Variants in KLHL3 observed in about 807,000 individuals in gnomAD.
KLHL3 encodes kelch like family member 3.
Under a neutral mutation model 70.5 loss-of-function variants are expected in KLHL3, and 19 were observed. The observed-to-expected ratio is 0.27, with a 90% CI of 0.19 to 0.40. KLHL3 has a LOEUF of 0.40. Among genes scored for constraint, KLHL3 ranks in the 10% least tolerant of loss-of-function variants. The probability of loss-of-function intolerance (pLI) is 1.00; values close to 1 mark genes in which losing one functional copy is unlikely to be tolerated. For missense variants in KLHL3, 512 were observed against 771.1 expected (o/e 0.66, Z 3.98); for synonymous variants, 258 against 290.3 (o/e 0.89, Z 1.13).
intron 6 of KLHL3, among the ~76,000 whole-genome samples, chr5:137,668,031 T>A (rs182516157): frequency 9.9e-4 from 151 of 152,254 alleles, no homozygotes; most frequent in Non-Finnish European, 1.6e-3. Flanking sequence ...GAAGAATAGA[T>A]CTGATGTGAA....
intron 11 of KLHL3, among the ~76,000 whole-genome samples, chr5:137,635,524 G>T (rs1367996569): frequency 1.3e-5 from 2 of 152,166 alleles, no homozygotes; most frequent in Non-Finnish European, 2.9e-5. Flanking sequence ...AAATTATTGT[G>T]ATTTCCTCCA....
At chr5:137,659,116 T>G (rs1751413125) in intron 7 of KLHL3, among the ~76,000 whole-genome samples, 1 of 152,234 alleles carries the variant, frequency 6.6e-6, no homozygotes, top group Non-Finnish European at 1.5e-5. Context: ...TAATGTGGTC[T>G]TCTGGGGCTG....
rs1395260944 is a variant in KLHL3, at chr5:137,618,047, A to G, written c.*4051T>C. On this transcript the variant is annotated 3_prime_UTR_variant, in exon 15 of 15. Coordinates refer to ENST00000309755, the MANE Select transcript of KLHL3 (RefSeq NM_017415.3). ...GCTGCACAGGGGCTATGAGGCTGTA[A>G]TTATCCACTACAGAAGAAATCTCTT... 1 of 152,630 alleles carries G rather than the reference A, an allele frequency of 6.6e-6. No homozygotes were observed. Among genetic ancestry groups the G allele is most frequent in the Non-Finnish European group, 1.5e-5 (1 of 68,056 alleles). 9.5% of individuals were successfully genotyped at this position (152,630 alleles called of 1,614,324 possible).
At chr5:137,734,032 C>T (rs536947849) in intron 1 of KLHL3, among the ~76,000 whole-genome samples, 2 of 152,308 alleles carry the variant, frequency 1.3e-5, no homozygotes, top group African/African-American at 4.8e-5. Flanking sequence ...TCAGCCATCC[C>T]AGCTGAGAGG....
At chr5:137,717,310 A>G (rs1034255205) in intron 2 of KLHL3, among the ~76,000 whole-genome samples, 2 of 152,242 alleles carry the variant, frequency 1.3e-5, no homozygotes, top group African/African-American at 4.8e-5. Context: ...TGTAAGTTCT[A>G]TACATTGAGC....
chr5:137,718,794 A>G (rs1430086825), intron 2 of KLHL3, among the ~76,000 whole-genome samples: 1 of 152,260 alleles, frequency 6.6e-6, no homozygotes, highest in Non-Finnish European at 1.5e-5. Context: ...GATGCCTAAG[A>G]CAGCTATGGG....
At chr5:137,695,905 T>A (rs1356108291) in intron 4 of KLHL3, among the ~76,000 whole-genome samples, 3 of 152,224 alleles carry the variant, frequency 2.0e-5, no homozygotes, top group Middle Eastern at 3.4e-3. Context: ...AATCCACCCA[T>A]CAGGATGGAA....
Position 137,625,816 on chromosome 5 carries a change from T to A in KLHL3, c.1672A>T (p.Asn558Tyr), listed in dbSNP as rs772754376. The A allele has an allele frequency of 6.2e-7, 1 of 1,614,018 alleles. No individual in the cohort carries two copies. Among genetic ancestry groups the A allele is most frequent in the Non-Finnish European group, 8.5e-7 (1 of 1,180,032 alleles). Reference protein sequence around the residue: ...SCNLASVEYYNPVTDKWTLLP... With the variant: ...SCNLASVEYYYPVTDKWTLLP... ...AGCGTCCATTTGTCAGTGACAGGATTGTAGTACTCCACCGAAGCCAAGTTG... is the reference window on the plus strand; with the variant it reads ...AGCGTCCATTTGTCAGTGACAGGATAGTAGTACTCCACCGAAGCCAAGTTG... Residue 558 changes from asparagine to tyrosine, a missense_variant, in exon 14 of 15, where the codon AAT (asparagine) becomes TAT (tyrosine). Coordinates refer to ENST00000309755, the MANE Select transcript of KLHL3 (RefSeq NM_017415.3).
At position 137,720,560 on chromosome 5, in the gene KLHL3, C is replaced by G. The variant is rs1405467101; in HGVS notation, c.39G>C (p.Leu13=). 5.6e-6 allele frequency: 9 copies of G among 1,614,106 alleles called. No individual in the cohort carries two copies. The highest frequency in any genetic ancestry group is 7.6e-6 in the Non-Finnish European group (9 of 1,179,996). The change falls in exon 2 of 15, where the codon CTG becomes CTC. Residue 13 remains leucine, a synonymous_variant. Coordinates refer to ENST00000309755, the MANE Select transcript of KLHL3 (RefSeq NM_017415.3). ...GESVKLSSQT[L]IQAGDDEKNQ... is the part of the protein sequence containing the mutation. ...TCTTCTCATCATCCCCAGCCTGTATCAGAGTCTGGGAGCTCAGCTTGACAC... is the reference window on the plus strand; with the variant it reads ...TCTTCTCATCATCCCCAGCCTGTATGAGAGTCTGGGAGCTCAGCTTGACAC...
chr5:137,710,115 T>C (rs962054283), intron 2 of KLHL3, among the ~76,000 whole-genome samples: 1 of 152,150 alleles, frequency 6.6e-6, no homozygotes, highest in Non-Finnish European at 1.5e-5. Context: ...GGCTGCTTCA[T>C]TTGTCTTCAC....
Position 137,676,583 on chromosome 5 carries a change from A to C in KLHL3, c.636+962T>G, listed in dbSNP as rs2149906833. ...ATTCCAGGTGCAGGGTAAATAATAA[A>C]CTGGGCTAATACTGATTGAACACCT... On this transcript the variant is annotated intron_variant, in intron 6 of 14. Transcript: ENST00000309755. 3.3e-5 allele frequency among the ~76,000 whole-genome samples: 5 copies of C among 152,312 alleles called. No homozygotes were observed. In the Middle Eastern group the frequency reaches 0.017, roughly 518 times the overall value.
chr5:137,703,942 C>T (rs532145943), intron 3 of KLHL3, among the ~76,000 whole-genome samples: 9 of 151,910 alleles, frequency 5.9e-5, no homozygotes, highest in South Asian at 4.2e-4. Context: ...AAAACTATGA[C>T]GTGCTCTACA....
At chr5:137,698,220 A>G (rs2149921877) in intron 4 of KLHL3, 67 bp downstream of exon 4, 2 of 1,584,274 alleles carry the variant, frequency 1.3e-6, no homozygotes, top group East Asian at 4.5e-5. Context: ...GGTTAAATAA[A>G]ATAACGCTGT....
At chr5:137,662,240 TACACACACACACACACACACACACACAC>T (rs138942924) in intron 6 of KLHL3, among the ~76,000 whole-genome samples, 5 of 141,768 alleles carry the variant, frequency 3.5e-5, no homozygotes, top group African/African-American at 1.0e-4. Flanking sequence ...ACACACACTC[TACACACACACACACACACACACACACAC>T]ACACACACAC....
chr5:137,666,899 A>G (rs1186492732), intron 6 of KLHL3, among the ~76,000 whole-genome samples: 2 of 152,206 alleles, frequency 1.3e-5, no homozygotes, highest in African/African-American at 2.4e-5. Flanking sequence ...TAACCCAATG[A>G]TTAAATACTC....
chr5:137,664,647 T>G (rs1751568235), intron 6 of KLHL3, among the ~76,000 whole-genome samples: 3 of 133,266 alleles, frequency 2.3e-5, no homozygotes, highest in African/African-American at 9.1e-5. Context: ...CAAGACCCCA[T>G]CTCTACTACA....
At chr5:137,701,779 CAGA>C (rs1002736937) in intron 3 of KLHL3, among the ~76,000 whole-genome samples, 27 of 152,196 alleles carry the variant, frequency 1.8e-4, no homozygotes, top group African/African-American at 4.1e-4. Context: ...TTCCAGAAAA[CAGA>C]AGATGAGCCC....
chr5:137,655,801 G>A (rs901172323), intron 8 of KLHL3, among the ~76,000 whole-genome samples: 2 of 151,676 alleles, frequency 1.3e-5, no homozygotes, highest in Admixed American at 1.3e-4. Flanking sequence ...CTAGGCAATA[G>A]GCAAAAACCT....
At chr5:137,677,753 C>G in intron 5 of KLHL3, 99 bp from the exon 6 acceptor site, 1 of 659,624 alleles carries the variant, frequency 1.5e-6, no homozygotes, top group Non-Finnish European at 2.5e-6. Flanking sequence ...AGTCCTGGAG[C>G]AGGCCAGGGG....
Sources: gnomAD v4.1 joint callset for allele counts (sites outside exome capture counted in the v4.1 genomes callset) on GRCh38, gnomAD v4.1.1 for gene constraint, MANE v1.5 for transcripts, NCBI Gene and HGNC (gene_info 2026-07-23, HGNC 2026-07-21) for gene names.